CDH12: variants seen among roughly 807,000 people sequenced by gnomAD.
CDH12 encodes the protein cadherin-12.
CDH12 carries 41 observed loss-of-function variants against 74.1 expected under a neutral mutation model. The observed-to-expected ratio is 0.55, with a 90% CI of 0.43 to 0.72. The LOEUF (loss-of-function observed/expected upper bound fraction) is 0.72, where lower values mean the gene tolerates loss of function less well. Ranked by LOEUF, CDH12 falls within the 30% of genes least tolerant of loss-of-function variation. The pLI is 0.00. For synonymous variants in CDH12, 399 were observed against 355.0 expected (o/e 1.12, Z -1.39); for missense variants, 945 against 977.2 (o/e 0.97, Z 0.44).
chr5:22,504,732 C>A (rs994566790), intron 2 of CDH12, among the ~76,000 whole-genome samples: 1 of 151,944 alleles, frequency 6.6e-6, no homozygotes, highest in African/African-American at 2.4e-5. Context: ...CAATTGCCAG[C>A]GCAAGAAACA....
At chr5:22,841,114 A>G (rs950719603) in intron 1 of CDH12, among the ~76,000 whole-genome samples, 2 of 152,232 alleles carry the variant, frequency 1.3e-5, no homozygotes, top group Non-Finnish European at 1.5e-5. Flanking sequence ...CTAAAAGAAT[A>G]GCATTTTCTC....
At chr5:22,738,411 C>T (rs1052021779) in intron 1 of CDH12, among the ~76,000 whole-genome samples, 5 of 151,954 alleles carry the variant, frequency 3.3e-5, no homozygotes, top group Non-Finnish European at 7.4e-5. Context: ...TCTGCTTTGT[C>T]CATAAGCAAG....
At chr5:22,043,920 G>T (rs1247310822) in intron 5 of CDH12, among the ~76,000 whole-genome samples, 1 of 152,060 alleles carries the variant, frequency 6.6e-6, no homozygotes, top group African/African-American at 2.4e-5. Flanking sequence ...TTAAAACTCT[G>T]ATGAAAGACA....
intron 6 of CDH12, among the ~76,000 whole-genome samples, chr5:21,926,997 G>A (rs1754612380): frequency 6.6e-6 from 1 of 152,178 alleles, no homozygotes. Context: ...CTAAATGAAT[G>A]AGGGAAATTT....
intron 1 of CDH12, among the ~76,000 whole-genome samples, chr5:22,515,710 A>T (rs1008568767): frequency 1.3e-5 from 2 of 152,098 alleles, no homozygotes; most frequent in South Asian, 4.1e-4. Flanking sequence ...ATCTCTAATT[A>T]AAAATTTTTA....
intron 5 of CDH12, among the ~76,000 whole-genome samples, chr5:21,999,264 T>A (rs1736467112): frequency 6.6e-6 from 1 of 152,162 alleles, no homozygotes; most frequent in African/African-American, 2.4e-5. Context: ...TCTCACATAC[T>A]TTTATCTTGG....
At chr5:22,353,232 C>A (rs2150466197) in intron 3 of CDH12, among the ~76,000 whole-genome samples, 1 of 152,250 alleles carries the variant, frequency 6.6e-6, no homozygotes, top group Admixed American at 6.5e-5. Context: ...TTGTGAAAAT[C>A]TGATAAAATA....
chr5:22,356,034 T>C (rs1740550197), intron 3 of CDH12, among the ~76,000 whole-genome samples: 1 of 152,164 alleles, frequency 6.6e-6, no homozygotes, highest in South Asian at 2.1e-4. Flanking sequence ...ATTAAGGTAA[T>C]GAAATATAAA....
intron 3 of CDH12, among the ~76,000 whole-genome samples, chr5:22,245,567 G>A (rs184045829): frequency 1.1e-3 from 171 of 152,038 alleles, no homozygotes; most frequent in Middle Eastern, 6.8e-3. Flanking sequence ...AAGGACGAGA[G>A]TTTAAAAAAA....
rs1740558494 is a variant in CDH12 at position 22,356,240 on chromosome 5, TAAC to T, written c.-333+49014_-333+49016del. Among the ~76,000 whole-genome samples, 8 of 152,132 alleles carry T rather than the reference TAAC, an allele frequency of 5.3e-5. No homozygotes were observed. In the South Asian group the frequency reaches 1.7e-3, roughly 31 times the overall value. On this transcript the variant is annotated intron_variant, in intron 3 of 14. Transcript: ENST00000382254. Reference sequence around the variant, plus strand: ...ATTTTCCAAATATGAAAGCCCCAAATAACAACCTATGAAACCATACAGTTTTAA... The same window carrying T: ...ATTTTCCAAATATGAAAGCCCCAAATAACCTATGAAACCATACAGTTTTAA...
chr5:22,742,314 C>T (rs1368234319), intron 1 of CDH12, among the ~76,000 whole-genome samples: 2 of 151,976 alleles, frequency 1.3e-5, no homozygotes, highest in Non-Finnish European at 2.9e-5. Flanking sequence ...AATCAAGATC[C>T]TGAGGACCAG....
At chr5:21,848,741 T>G (rs2149994517) in intron 7 of CDH12, among the ~76,000 whole-genome samples, 1 of 152,064 alleles carries the variant, frequency 6.6e-6, no homozygotes, top group South Asian at 2.1e-4. Context: ...TTAACTCTCC[T>G]ATAGGACTTA....
At chr5:21,877,385 G>A (rs921455260) in intron 6 of CDH12, among the ~76,000 whole-genome samples, 1 of 152,068 alleles carries the variant, frequency 6.6e-6, no homozygotes, top group African/African-American at 2.4e-5. Flanking sequence ...TTAACATCTA[G>A]AGAGTATTAC....
intron 2 of CDH12, among the ~76,000 whole-genome samples, chr5:22,446,179 T>C (rs1336488612): frequency 6.6e-6 from 1 of 152,084 alleles, no homozygotes; most frequent in African/African-American, 2.4e-5. Flanking sequence ...GTCCTTGACA[T>C]CAGGAGACAC....
At chr5:22,353,381 G>A (rs1248223819) in intron 3 of CDH12, among the ~76,000 whole-genome samples, 2 of 151,974 alleles carry the variant, frequency 1.3e-5, no homozygotes, top group East Asian at 1.9e-4. Flanking sequence ...ATGTTCCAAC[G>A]TTTTCCCACA....
intron 3 of CDH12, among the ~76,000 whole-genome samples, chr5:22,229,458 A>G (rs1184882228): frequency 6.6e-6 from 1 of 151,844 alleles, no homozygotes; most frequent in Non-Finnish European, 1.5e-5. Context: ...AAAAAAAAAA[A>G]AAAAAGATTT....
At chr5:22,736,424 T>A (rs1383163734) in intron 1 of CDH12, among the ~76,000 whole-genome samples, 2 of 151,866 alleles carry the variant, frequency 1.3e-5, no homozygotes, top group South Asian at 2.1e-4. Flanking sequence ...TAATTGTATT[T>A]AGTTTTGCTG....
chr5:22,346,911 A>G (rs976376990), intron 3 of CDH12, among the ~76,000 whole-genome samples: 3 of 152,218 alleles, frequency 2.0e-5, no homozygotes, highest in Non-Finnish European at 4.4e-5. Flanking sequence ...AAAAAAACCT[A>G]GAAGTGTTGA....
chr5:22,321,477 C>T (rs1451034045), intron 3 of CDH12, among the ~76,000 whole-genome samples: 1 of 127,160 alleles, frequency 7.9e-6, no homozygotes, highest in Admixed American at 8.4e-5. Flanking sequence ...GGGAATATCA[C>T]ACTCTGGGGA....
Sources: gnomAD v4.1 joint callset for allele counts (sites outside exome capture counted in the v4.1 genomes callset) on GRCh38, gnomAD v4.1.1 for gene constraint, MANE v1.5 for transcripts, NCBI Gene and HGNC (gene_info 2026-07-23, HGNC 2026-07-21) for gene names.